Variants in SFTPC observed in about 807,000 individuals in gnomAD.
SFTPC encodes the protein BRICHOS domain containing 6.
A neutral mutation model predicts 19.9 loss-of-function variants in SFTPC; 12 were observed. That is an observed-to-expected ratio of 0.60 (90% CI 0.39 to 0.98). The LOEUF (loss-of-function observed/expected upper bound fraction) is 0.98. Ranked by LOEUF, SFTPC falls within the 50% of genes least tolerant of loss-of-function variation. SFTPC has a pLI of 0.00. For missense variants in SFTPC, 219 were observed against 252.2 expected (o/e 0.87, Z 0.89); for synonymous variants, 123 against 103.3 (o/e 1.19, Z -1.16).
At chr8:22,164,132 C>A (rs1051062215) in intron 5 of SFTPC, 73 bp downstream of exon 5, 1 of 1,591,100 alleles carries the variant, frequency 6.3e-7, no homozygotes, top group Non-Finnish European at 8.5e-7. Flanking sequence ...GAGGAGCGCT[C>A]GCGCTGACCA....
chr8:22,160,013 C>T (rs181615830), upstream of SFTPC, among the ~76,000 whole-genome samples: 25 of 152,320 alleles, frequency 1.6e-4, no homozygotes, highest in Admixed American at 1.4e-3. Context: ...TGTGGGCTCC[C>T]CCTCCTCCCG....
upstream of SFTPC, among the ~76,000 whole-genome samples, chr8:22,158,156 G>A (rs1827570064): frequency 6.6e-6 from 1 of 152,106 alleles, no homozygotes; most frequent in Non-Finnish European, 1.5e-5. Context: ...ACCAGTCCAG[G>A]GAACGAAGAC....
upstream of SFTPC, chr8:22,157,511 A>G (rs1312497207): frequency 6.5e-6 from 1 of 153,034 alleles, no homozygotes; most frequent in Non-Finnish European, 1.5e-5. Context: ...CCTTTTACAG[A>G]CAAGAAAAGT....
upstream of SFTPC, among the ~76,000 whole-genome samples, chr8:22,160,684 A>G (rs1827680922): frequency 6.6e-6 from 1 of 152,174 alleles, no homozygotes; most frequent in South Asian, 2.1e-4. Flanking sequence ...ACTCTGCCAC[A>G]GTCACCTGAG....
In SFTPC at chr8:22,163,422, C is replaced by A; in HGVS notation, c.325-14C>A. 6.2e-7 allele frequency: 1 copy of A among 1,607,098 alleles called. No individual in the cohort carries two copies. Among genetic ancestry groups the A allele is most frequent in the Non-Finnish European group, 8.5e-7 (1 of 1,174,078 alleles). On this transcript the variant is annotated splice_polypyrimidine_tract_variant and intron_variant, in intron 3 of 5. Transcript: ENST00000679463. ...GCAGGGACCCCCGAATGATCTCCAG[C>A]ATTCTGTGCCTAGCTGCTGATCGCC...
upstream of SFTPC, chr8:22,158,959 G>A (rs1563215720): frequency 6.6e-6 from 1 of 152,264 alleles, no homozygotes; most frequent in Non-Finnish European, 1.5e-5. Flanking sequence ...GGAAGATAGA[G>A]CAACAAAAAG....
chr8:22,161,882 T>C lies in SFTPC; in HGVS notation c.42+12T>C. ...TGGAGAGCCCGCCGGTGAGTGTGGT[T>C]GCGTGTGTGTATGTATGTGTGCGCG... On this transcript the variant is annotated intron_variant, in intron 1 of 5. Coordinates refer to ENST00000679463, the MANE Select transcript of SFTPC (RefSeq NM_001317778.2). 1 of 1,613,572 alleles carries C rather than the reference T, an allele frequency of 6.2e-7. No individual in the cohort carries two copies. The highest frequency in any genetic ancestry group is 8.5e-7 in the Non-Finnish European group (1 of 1,179,764).
upstream of SFTPC, chr8:22,159,907 A>C (rs2131806951): frequency 4.0e-5 from 28 of 708,508 alleles, no homozygotes; most frequent in Non-Finnish European, 5.8e-5. Flanking sequence ...GGCGGGAGTA[A>C]GGGCCCTGGG....
In SFTPC at chr8:22,164,076, C is replaced by T; in HGVS notation, c.*18+17C>T. ...GGTGAGCAGGTGTGATCCCAGGGCCCCTGATCAGCAGCGGAGGAGCGCTCG... is the reference window on the plus strand; with the variant it reads ...GGTGAGCAGGTGTGATCCCAGGGCCTCTGATCAGCAGCGGAGGAGCGCTCG... On this transcript the variant is annotated intron_variant, in intron 5 of 5. Coordinates refer to ENST00000679463, the MANE Select transcript of SFTPC (RefSeq NM_001317778.2). The T allele has an allele frequency of 1.4e-5, 22 of 1,611,536 alleles. No individual in the cohort carries two copies. Among genetic ancestry groups the T allele is most frequent in the Middle Eastern group, 2.1e-4 (1 of 4,676 alleles).
At chr8:22,163,013 A>G (rs1827820120) in intron 2 of SFTPC, 67 bp from the exon 3 acceptor site, 2 of 1,605,694 alleles carry the variant, frequency 1.2e-6, no homozygotes, top group Non-Finnish European at 1.7e-6. Context: ...AGGCCTGAGT[A>G]TGGGGATGGG....
At chr8:22,160,927 A>G (rs1827690737), upstream of SFTPC, among the ~76,000 whole-genome samples, 1 of 152,196 alleles carries the variant, frequency 6.6e-6, no homozygotes, top group Non-Finnish European at 1.5e-5. Flanking sequence ...GGATGCAGAA[A>G]GGGGAGTCTA....
At chr8:22,161,750 C>T (rs935292025), upstream of SFTPC, 3 of 1,613,294 alleles carry the variant, frequency 1.9e-6, no homozygotes, top group South Asian at 3.3e-5. Context: ...TCACCTCTGT[C>T]CCCTCTCCCT....
upstream of SFTPC, chr8:22,159,793 A>G (rs1307855913): frequency 7.8e-7 from 1 of 1,289,092 alleles, no homozygotes; most frequent in Admixed American, 2.3e-5. Context: ...AGGGACCCCG[A>G]GATGCCTGCA....
intron 3 of SFTPC, 38 bp downstream of exon 3, chr8:22,163,240 A>G (rs921832034): frequency 6.2e-6 from 10 of 1,613,856 alleles, no homozygotes; most frequent in Non-Finnish European, 7.6e-6. Flanking sequence ...GGGACCAATG[A>G]CAAGGCTCTG....
intron 5 of SFTPC, 101 bp downstream of exon 5, chr8:22,164,160 T>C: frequency 6.5e-7 from 1 of 1,549,710 alleles, no homozygotes; most frequent in South Asian, 1.2e-5. Context: ...GGGCGTCCAC[T>C]GAAGCGGGGT....
At chr8:22,161,703 G>T, upstream of SFTPC, 1 of 1,608,728 alleles carries the variant, frequency 6.2e-7, no homozygotes, top group Non-Finnish European at 8.5e-7. Context: ...AGGCTTCAAA[G>T]CCAAGGGCTT....
chr8:22,163,843 G>C (rs369838552), intron 4 of SFTPC, 58 bp from the exon 5 acceptor site: 84 of 1,467,756 alleles, frequency 5.7e-5, no homozygotes, highest in Non-Finnish European at 7.5e-5. Flanking sequence ...CCCACAATAA[G>C]GGCTGCACAT....
At chr8:22,158,855 G>A (rs951761854), upstream of SFTPC, 7 of 152,396 alleles carry the variant, frequency 4.6e-5, no homozygotes, top group East Asian at 1.3e-3. Context: ...CTATCATTAA[G>A]TGTTGGCTGT....
chr8:22,159,741 C>T (rs992172015), upstream of SFTPC: 4 of 1,284,384 alleles, frequency 3.1e-6, no homozygotes, highest in South Asian at 1.2e-5. Flanking sequence ...CTGCTAAGAA[C>T]AAGTCCCACG....
Sources: gnomAD v4.1 joint callset for allele counts (sites outside exome capture counted in the v4.1 genomes callset) on GRCh38, gnomAD v4.1.1 for gene constraint, MANE v1.5 for transcripts, NCBI Gene and HGNC (gene_info 2026-07-23, HGNC 2026-07-21) for gene names.